Variants in ADD3 observed in about 807,000 individuals in gnomAD.
ADD3 encodes the protein gamma-adducin.
In ADD3, 25 loss-of-function variants were observed where a neutral mutation model predicts 80.2. The ratio of observed to expected loss-of-function variants is 0.31; its 90% CI spans 0.23 to 0.44. The LOEUF is 0.44. ADD3 is among the 20% of genes least tolerant of loss of function. The pLI is 1.00. For missense variants in ADD3, 829 were observed against 847.5 expected (o/e 0.98, Z 0.27); for synonymous variants, 284 against 289.6 (o/e 0.98, Z 0.20).
intron 1 of ADD3, among the ~76,000 whole-genome samples, chr10:110,074,540 G>C (rs756554680): frequency 6.6e-6 from 1 of 151,796 alleles, no homozygotes; most frequent in Admixed American, 6.6e-5. Context: ...AAGGCCCTTA[G>C]GACAATGAAT....
At chr10:110,042,382 G>C (rs764400091) in intron 1 of ADD3, among the ~76,000 whole-genome samples, 1 of 152,136 alleles carries the variant, frequency 6.6e-6, no homozygotes, top group African/African-American at 2.4e-5. Flanking sequence ...AGGCATTCAG[G>C]GGGCTTTCCT....
intron 1 of ADD3, among the ~76,000 whole-genome samples, chr10:110,015,248 C>T (rs1414292249): frequency 6.6e-6 from 1 of 151,892 alleles, no homozygotes; most frequent in Non-Finnish European, 1.5e-5. Flanking sequence ...AAACCTTACT[C>T]AACATTTAAT....
At chr10:110,034,687 T>G (rs1463009325) in intron 1 of ADD3, among the ~76,000 whole-genome samples, 2 of 152,148 alleles carry the variant, frequency 1.3e-5, no homozygotes, top group Admixed American at 6.5e-5. Flanking sequence ...CTGTTTATAT[T>G]CTCTAATCTG....
chr10:110,039,092 G>A (rs2133270554), intron 1 of ADD3, among the ~76,000 whole-genome samples: 1 of 152,284 alleles, frequency 6.6e-6, no homozygotes, highest in South Asian at 2.1e-4. Flanking sequence ...TGTTTCTGTA[G>A]TTTTTAATTG....
At chr10:110,096,688 G>A (rs1394298793) in intron 1 of ADD3, among the ~76,000 whole-genome samples, 1 of 152,030 alleles carries the variant, frequency 6.6e-6, no homozygotes, top group South Asian at 2.1e-4. Flanking sequence ...GCAGCTGCAC[G>A]ACCCTCAAAG....
At position 110,067,120 on chromosome 10, in the gene ADD3, C is replaced by T. The variant is rs564767345; in HGVS notation, c.-29-33505C>T. 7.9e-4 allele frequency among the ~76,000 whole-genome samples: 120 copies of T among 152,228 alleles called. 1 individual carries two copies. Among genetic ancestry groups the T allele is most frequent in the African/African-American group, 2.8e-3 (116 of 41,542 alleles). On this transcript the variant is annotated intron_variant, in intron 1 of 14. Coordinates refer to ENST00000356080, the MANE Select transcript of ADD3 (RefSeq NM_016824.5). ...TGTATAGTGCCTTTTAAAAAAATTC[C>T]TGTAGGAAGATATTAATGCTTAGAA...
chr10:110,120,542 A>G (rs531205179), intron 8 of ADD3, among the ~76,000 whole-genome samples: 1 of 152,126 alleles, frequency 6.6e-6, no homozygotes, highest in African/African-American at 2.4e-5. Context: ...ATACGTGTGC[A>G]TGTGTCTTTA....
chr10:110,074,902 G>C (rs955942123), intron 1 of ADD3, among the ~76,000 whole-genome samples: 5 of 152,118 alleles, frequency 3.3e-5, no homozygotes, highest in African/African-American at 1.2e-4. Flanking sequence ...CGGGAGGGAA[G>C]GAGAAATTTC....
chr10:110,088,245 A>C (rs7069230), intron 1 of ADD3, among the ~76,000 whole-genome samples: 1 of 152,170 alleles, frequency 6.6e-6, no homozygotes, highest in African/African-American at 2.4e-5. Context: ...TTCAACCACT[A>C]TAGTACAGTA....
At chr10:110,003,585 TAA>T (rs1851531280), upstream of ADD3, among the ~76,000 whole-genome samples, 1 of 152,192 alleles carries the variant, frequency 6.6e-6, no homozygotes, top group African/African-American at 2.4e-5. Context: ...CACCACCACT[TAA>T]AAGACAGCTA....
chr10:110,079,960 C>G (rs535077304), intron 1 of ADD3, among the ~76,000 whole-genome samples: 1 of 152,336 alleles, frequency 6.6e-6, no homozygotes, highest in African/African-American at 2.4e-5. Context: ...CATCCCCTCT[C>G]CATCAGACGT....
intron 1 of ADD3, among the ~76,000 whole-genome samples, chr10:110,051,107 CA>C (rs1331354529): frequency 2.0e-5 from 3 of 152,150 alleles, no homozygotes; most frequent in African/African-American, 7.2e-5. Context: ...TGGATGTCCT[CA>C]TGCAAAAAAA....
chr10:110,001,685 T>TA (rs1279010738), upstream of ADD3, among the ~76,000 whole-genome samples: 1 of 152,034 alleles, frequency 6.6e-6, no homozygotes, highest in South Asian at 2.1e-4. Flanking sequence ...GATTTTTTTT[T>TA]AAAAAAAGTC....
At chr10:110,050,219 T>C (rs1382647663) in intron 1 of ADD3, among the ~76,000 whole-genome samples, 1 of 152,140 alleles carries the variant, frequency 6.6e-6, no homozygotes, top group African/African-American at 2.4e-5. Context: ...TGGAATGATA[T>C]GGCTTGGCTG....
chr10:110,020,117 C>T (rs546591565), intron 1 of ADD3, among the ~76,000 whole-genome samples: 5 of 152,188 alleles, frequency 3.3e-5, no homozygotes, highest in Non-Finnish European at 7.4e-5. Context: ...GTTCCTCATA[C>T]ATATTTGTGA....
intron 5 of ADD3, among the ~76,000 whole-genome samples, chr10:110,118,232 T>C (rs1177919143): frequency 6.6e-6 from 1 of 152,170 alleles, no homozygotes; most frequent in Non-Finnish European, 1.5e-5. Context: ...TGTTAGCAAA[T>C]AGAAGTTTTC....
chr10:110,129,867 A>C (rs1444475855), intron 12 of ADD3, among the ~76,000 whole-genome samples: 1 of 151,564 alleles, frequency 6.6e-6, no homozygotes. Context: ...GGGTTTTGGG[A>C]GGGATGAAAA....
In ADD3 at chr10:110,097,180, G is replaced by T. The variant is rs191770721; in HGVS notation, c.-29-3445G>T. On this transcript the variant is annotated intron_variant, in intron 1 of 14. Transcript: ENST00000356080. ...TTTGAGGGTTCTTATATTAATCTAA[G>T]TGGATTGGGAATATAGCTTTCATAT... Among the ~76,000 whole-genome samples the T allele has an allele frequency of 1.2e-3, 180 of 152,316 alleles. 2 individuals are homozygous for T. The highest frequency in any genetic ancestry group is 4.2e-3 in the African/African-American group (175 of 41,564).
At chr10:110,042,966 T>C (rs546010291) in intron 1 of ADD3, among the ~76,000 whole-genome samples, 1 of 152,324 alleles carries the variant, frequency 6.6e-6, no homozygotes, top group South Asian at 2.1e-4. Flanking sequence ...GTGGGTCATA[T>C]TTAATATTTT....
Sources: allele counts gnomAD v4.1 joint callset (sites outside exome capture counted in the v4.1 genomes callset), GRCh38; gene constraint gnomAD v4.1.1; transcripts MANE v1.5; gene names NCBI Gene and HGNC (gene_info 2026-07-23, HGNC 2026-07-21).